Variants in AHCYL2 observed in about 807,000 individuals in gnomAD.
AHCYL2 encodes S-adenosylhomocysteine hydrolase-like protein 2.
Under a neutral mutation model 81.4 loss-of-function variants are expected in AHCYL2, and 28 were observed. The ratio of observed to expected loss-of-function variants is 0.34; its 90% confidence interval spans 0.25 to 0.47. The LOEUF is 0.47. AHCYL2 is among the 20% of genes least tolerant of loss of function. The pLI, the probability that AHCYL2 is intolerant of heterozygous loss-of-function variation, is 1.00. For synonymous variants in AHCYL2, 272 were observed against 290.2 expected (o/e 0.94, Z 0.64); for missense variants, 551 against 785.1 (o/e 0.70, Z 3.56).
chr7:129,422,880 G>T lies in AHCYL2; in HGVS notation c.1502G>T (p.Arg501Ile). 6.2e-7 allele frequency: 1 copy of T among 1,614,134 alleles called. No homozygotes were observed. Among genetic ancestry groups the T allele is most frequent in the Non-Finnish European group, 8.5e-7 (1 of 1,180,010 alleles). The change falls in exon 13 of 17, where the codon AGA becomes ATA. Residue 501 changes from arginine (R) to isoleucine (I), a missense_variant. By Grantham distance (97) the Arg-to-Ile change is moderately conservative. This residue lies in a region of AHCYL2 where 316 missense variants were observed against 543.1 expected (regional missense o/e 0.58). Transcript: ENST00000325006. ...CCAGAACTGACCTGGGAGCGAGTGA[G>T]ATCTCAAGTTGACCATGTGATATGG... ...RTPELTWERV[R>I]SQVDHVIWPD...
intron 1 of AHCYL2, among the ~76,000 whole-genome samples, chr7:129,346,656 G>A (rs1020018703): frequency 6.6e-6 from 1 of 152,202 alleles, no homozygotes; most frequent in Admixed American, 6.5e-5. Flanking sequence ...TAATGAGGAT[G>A]TGGAGCAAAA....
At chr7:129,322,499 A>G (rs1005993882) in intron 1 of AHCYL2, among the ~76,000 whole-genome samples, 3 of 152,244 alleles carry the variant, frequency 2.0e-5, no homozygotes, top group Admixed American at 6.5e-5. Flanking sequence ...TTCTATATTT[A>G]TAGAGCTATT....
chr7:129,278,017 G>A (rs924618144), intron 1 of AHCYL2, among the ~76,000 whole-genome samples: 2 of 152,162 alleles, frequency 1.3e-5, no homozygotes, highest in Non-Finnish European at 2.9e-5. Flanking sequence ...TTCCAAAGAG[G>A]TTTTGCCGTT....
In AHCYL2 at chr7:129,368,033, G is replaced by A. The variant is rs781319314; in HGVS notation, c.364-11605G>A. On this transcript the variant is annotated intron_variant, in intron 1 of 16. Transcript: ENST00000325006. The surrounding 1 kb of genome is among the most constrained non-coding windows in gnomAD (Gnocchi z 4.4). ...TCTTGAGAAATGGGAGTGCCTTCCT[G>A]ACCTCAGTCTTTATTGATCTTGGTA... 1.1e-5 allele frequency: 10 copies of A among 909,432 alleles called. No homozygotes were observed. Among genetic ancestry groups the A allele is most frequent in the Non-Finnish European group, 1.3e-5 (10 of 759,882 alleles). The allele number at this position is 909,432 out of a possible 1,614,324, so 56.3% of individuals were successfully genotyped here.
chr7:129,299,540 C>G (rs1312708439), intron 1 of AHCYL2, among the ~76,000 whole-genome samples: 1 of 151,654 alleles, frequency 6.6e-6, no homozygotes, highest in African/African-American at 2.4e-5. Flanking sequence ...ACTACAGGCA[C>G]CCGCCACCAC....
intron 1 of AHCYL2, among the ~76,000 whole-genome samples, chr7:129,362,951 C>T (rs1350107139): frequency 6.6e-6 from 1 of 151,872 alleles, no homozygotes; most frequent in African/African-American, 2.4e-5. Context: ...ACTTTTTGTC[C>T]CTTCCCCTTT....
At position 129,273,240 on chromosome 7, in the gene AHCYL2, A is replaced by T. The variant is rs903884363; in HGVS notation, c.363+47801A>T. 2.6e-5 allele frequency among the ~76,000 whole-genome samples: 4 copies of T among 151,190 alleles called. No individual in the cohort carries two copies. The East Asian group carries it at 7.9e-4, about 30-fold the overall frequency. On this transcript the variant is annotated intron_variant, in intron 1 of 16. Coordinates refer to ENST00000325006, the MANE Select transcript of AHCYL2 (RefSeq NM_015328.4). The stretch of plus-strand genomic sequence containing the variant: ...CTAAATAAATGGCTTCAGAGGAAAG[A>T]TAAAATTCAAGATGCTACCAATAAA...
intron 1 of AHCYL2, among the ~76,000 whole-genome samples, chr7:129,266,820 T>C (rs2092459644): frequency 6.6e-6 from 1 of 152,158 alleles, no homozygotes. Context: ...ATGTAATAAA[T>C]ACCATAAATG....
intron 15 of AHCYL2, among the ~76,000 whole-genome samples, chr7:129,425,462 T>C (rs755551498): frequency 2.0e-5 from 3 of 152,100 alleles, no homozygotes; most frequent in Non-Finnish European, 4.4e-5. Context: ...AGAAGAATCA[T>C]CTCCTACCTT....
intron 1 of AHCYL2, among the ~76,000 whole-genome samples, chr7:129,340,403 TAA>T (rs1793132670): frequency 6.6e-6 from 1 of 150,688 alleles, no homozygotes. Context: ...CCGTCTCTAC[TAA>T]AAATACAAAA....
intron 1 of AHCYL2, among the ~76,000 whole-genome samples, chr7:129,367,424 T>A (rs185152206): frequency 2.6e-4 from 39 of 152,302 alleles, no homozygotes; most frequent in African/African-American, 7.7e-4. Context: ...TTACCTTTTT[T>A]CTAGTTATGT....
At chr7:129,229,933 C>T (rs958467000) in intron 1 of AHCYL2, among the ~76,000 whole-genome samples, 1 of 152,150 alleles carries the variant, frequency 6.6e-6, no homozygotes, top group Non-Finnish European at 1.5e-5. Flanking sequence ...TCCTGTTCAG[C>T]TAACACTTTT....
intron 1 of AHCYL2, among the ~76,000 whole-genome samples, chr7:129,257,854 G>C (rs1313338681): frequency 6.6e-6 from 1 of 152,134 alleles, no homozygotes; most frequent in Non-Finnish European, 1.5e-5. Context: ...GAAAGAAAAG[G>C]AATGAGATAT....
chr7:129,246,526 C>T (rs911705855), intron 1 of AHCYL2, among the ~76,000 whole-genome samples: 1 of 152,194 alleles, frequency 6.6e-6, no homozygotes, highest in African/African-American at 2.4e-5. Context: ...GAGACAGGAT[C>T]TCGCTCTGTC....
At position 129,255,605 on chromosome 7, in the gene AHCYL2, C is replaced by T. The variant is rs534289839; in HGVS notation, c.363+30166C>T. Among the ~76,000 whole-genome samples the T allele has an allele frequency of 2.3e-4, 35 of 152,252 alleles. 1 individual carries two copies. Among genetic ancestry groups the T allele is most frequent in the African/African-American group, 7.7e-4 (32 of 41,544 alleles). ...GTATGTGCGTGTGTGCGTGCGCACGCGCATGTTTAGCAATTCTTAGGGTTA... is the reference window on the plus strand; with the variant it reads ...GTATGTGCGTGTGTGCGTGCGCACGTGCATGTTTAGCAATTCTTAGGGTTA... On this transcript the variant is annotated intron_variant, in intron 1 of 16. Transcript: ENST00000325006.
chr7:129,226,741 G>A (rs1794236489), intron 1 of AHCYL2, among the ~76,000 whole-genome samples: 1 of 152,170 alleles, frequency 6.6e-6, no homozygotes, highest in Non-Finnish European at 1.5e-5. Context: ...TGTCTTTGTC[G>A]TTTGTAGTAT....
chr7:129,279,642 A>C (rs1180967624), intron 1 of AHCYL2, among the ~76,000 whole-genome samples: 1 of 152,204 alleles, frequency 6.6e-6, no homozygotes, highest in Non-Finnish European at 1.5e-5. Context: ...TCATAAGCAG[A>C]GCAGCCCTGA....
At chr7:129,287,347 CA>C (rs1796673950) in intron 1 of AHCYL2, among the ~76,000 whole-genome samples, 1 of 152,184 alleles carries the variant, frequency 6.6e-6, no homozygotes, top group Non-Finnish European at 1.5e-5. Context: ...AAGAGAAACA[CA>C]AGAGTTATCA....
intron 12 of AHCYL2, among the ~76,000 whole-genome samples, chr7:129,414,381 A>G (rs1445812854): frequency 6.6e-6 from 1 of 151,792 alleles, no homozygotes; most frequent in African/African-American, 2.4e-5. Flanking sequence ...ACTTGGTACT[A>G]ATAAGTTGCC....
Sources: allele counts gnomAD v4.1 joint callset (sites outside exome capture counted in the v4.1 genomes callset), GRCh38; gene constraint gnomAD v4.1.1; regional missense constraint gnomAD v4.1.1; non-coding constraint Gnocchi (gnomAD v3.1); transcripts MANE v1.5; gene names NCBI Gene and HGNC (gene_info 2026-07-23, HGNC 2026-07-21).